The following PES1 variants were observed in gnomAD, a reference collection of about 807,000 sequenced individuals.
PES1 encodes the protein pescadillo ribosomal biogenesis factor 1.
In PES1, 31 loss-of-function variants were observed where a neutral mutation model predicts 77.1. The ratio of observed to expected loss-of-function variants is 0.40; its 90% confidence interval spans 0.30 to 0.54. The LOEUF is 0.54. PES1 is among the 20% of genes least tolerant of loss of function. The pLI, the probability that PES1 is intolerant of heterozygous loss-of-function variation, is 0.45. For missense variants in PES1, 658 were observed against 771.7 expected (o/e 0.85, Z 1.75); for synonymous variants, 282 against 303.0 (o/e 0.93, Z 0.72).
At chr22:30,589,415 G>T in intron 1 of PES1, 145 bp from the exon 2 acceptor site, 1 of 670,738 alleles carries the variant, frequency 1.5e-6, no homozygotes, top group East Asian at 2.8e-5. Flanking sequence ...CAGGGAAGGA[G>T]CCGACCTGCC....
chr22:30,583,156 G>T (rs1323726467), intron 6 of PES1, among the ~76,000 whole-genome samples: 1 of 152,202 alleles, frequency 6.6e-6, no homozygotes, highest in Non-Finnish European at 1.5e-5. Context: ...CAAGAGGAAG[G>T]CAGGAAGGAA....
chr22:30,596,736 C>T (rs1287884560), upstream of PES1, among the ~76,000 whole-genome samples: 5 of 152,226 alleles, frequency 3.3e-5, no homozygotes, highest in South Asian at 2.1e-4. Context: ...AGTGCCTCCT[C>T]GGCCTCGGCG....
upstream of PES1, among the ~76,000 whole-genome samples, chr22:30,594,530 T>A (rs1041255265): frequency 1.3e-5 from 2 of 151,430 alleles, no homozygotes; most frequent in South Asian, 4.2e-4. Flanking sequence ...AAAAAAAAAA[T>A]TAGCTTGGCA....
rs370885109 is a variant in PES1, at chr22:30,587,390, G to A, written c.264C>T (p.Phe88=). 4.2e-5 allele frequency: 68 copies of A among 1,611,938 alleles called. No individual in the cohort carries two copies. The highest frequency in any genetic ancestry group is 5.2e-5 in the Non-Finnish European group (61 of 1,178,298). Residue 88 remains phenylalanine, a synonymous_variant, in exon 4 of 15, where the codon TTC becomes TTT. Transcript: ENST00000354694. ...CATAAGCCTTCCGGAGCTTCCGGAC[G>A]AACACCTGGAAGAAAGAAAGAAAAC... is the stretch of plus-strand genomic sequence containing the variant. ...IVNKFREYKV[F]VRKLRKAYGK...
At chr22:30,601,185 T>C (rs910317663) in intron 2 of PES1, among the ~76,000 whole-genome samples, 6 of 152,230 alleles carry the variant, frequency 3.9e-5, no homozygotes, top group Non-Finnish European at 5.9e-5. Context: ...ATTAGACTCA[T>C]CTCTTCATGG....
At chr22:30,585,082 C>T (rs1178896987) in intron 4 of PES1, 1 of 391,492 alleles carries the variant, frequency 2.6e-6, no homozygotes, top group East Asian at 6.8e-5. Context: ...AGACACTCTA[C>T]AGGGAGGTCC....
At chr22:30,604,563 G>A (rs1425315135) in intron 2 of PES1, among the ~76,000 whole-genome samples, 5 of 152,062 alleles carry the variant, frequency 3.3e-5, no homozygotes, top group African/African-American at 1.2e-4. Context: ...AACCCGGGAG[G>A]AGGGTGTAGT....
At chr22:30,587,255 A>G in intron 4 of PES1, 31 bp downstream of exon 4, 1 of 1,423,996 alleles carries the variant, frequency 7.0e-7, no homozygotes, top group Non-Finnish European at 9.9e-7. Flanking sequence ...AAATGAAGAA[A>G]CAGCAGTGTC....
intron 10 of PES1, 135 bp downstream of exon 10, chr22:30,580,436 C>T (rs901036079): frequency 1.3e-5 from 16 of 1,262,950 alleles, no homozygotes; most frequent in East Asian, 7.0e-5. Flanking sequence ...AGTGCGGTGC[C>T]GAGCACTTTC....
upstream of PES1, chr22:30,592,004 C>A: frequency 7.2e-7 from 1 of 1,382,554 alleles, no homozygotes; most frequent in South Asian, 1.7e-5. Flanking sequence ...ATTTCCTCCT[C>A]AAGATTTAAA....
rs2087100372 is a variant in PES1, at chr22:30,586,950, GCT to G, written c.368+334_368+335del. On this transcript the variant is annotated intron_variant, in intron 4 of 14. Transcript: ENST00000354694. ...GTTCAGACGAGAGGTGTCTAGCCATGCTTCCCACGTCTCACCAGGTACCCGTC... is the reference window on the plus strand; with the variant it reads ...GTTCAGACGAGAGGTGTCTAGCCATGTCCCACGTCTCACCAGGTACCCGTC... The G allele has an allele frequency of 1.8e-5, 5 of 274,588 alleles. No individual in the cohort carries two copies. The South Asian group carries it at 2.5e-4, about 14-fold the overall frequency. The allele number at this position is 274,588 out of a possible 1,614,324, so 17.0% of individuals were successfully genotyped here.
upstream of PES1, among the ~76,000 whole-genome samples, chr22:30,596,776 C>T (rs1031174088): frequency 2.0e-5 from 3 of 152,230 alleles, no homozygotes; most frequent in African/African-American, 7.2e-5. Context: ...AGGAGCCCTT[C>T]AGCCCCGCTG....
Position 30,587,405 on chromosome 22 carries a change from A to C in PES1, c.259-10T>G. 1 of 1,605,344 alleles carries C rather than the reference A, an allele frequency of 6.2e-7. No homozygotes were observed. The highest frequency in any genetic ancestry group is 8.5e-7 in the Non-Finnish European group (1 of 1,172,294). On this transcript the variant is annotated splice_polypyrimidine_tract_variant and intron_variant, in intron 3 of 14. Coordinates refer to ENST00000354694, the MANE Select transcript of PES1 (RefSeq NM_014303.4). The stretch of plus-strand genomic sequence containing the variant: ...GCTTCCGGACGAACACCTGGAAGAA[A>C]GAAAGAAAACACCTCAATGCTGAGG...
At chr22:30,590,904 G>A (rs1268932041) in intron 1 of PES1, among the ~76,000 whole-genome samples, 1 of 152,130 alleles carries the variant, frequency 6.6e-6, no homozygotes, top group Non-Finnish European at 1.5e-5. Flanking sequence ...TTTCCATCTT[G>A]TATCTTTGCA....
chr22:30,598,683 C>T (rs1436546727), intron 2 of PES1, among the ~76,000 whole-genome samples: 2 of 152,008 alleles, frequency 1.3e-5, no homozygotes, highest in African/African-American at 4.8e-5. Flanking sequence ...CGCACCTCGG[C>T]CTCCCAAAGT....
chr22:30,599,766 G>A lies in PES1; in HGVS notation c.-661+5695C>T, dbSNP rs1026444108. Reference sequence around the variant, plus strand: ...AATACAAAAATTAGCCAGGCATGGTGGTACATGCCTGTAATCACAGCTACT... The same window carrying A: ...AATACAAAAATTAGCCAGGCATGGTAGTACATGCCTGTAATCACAGCTACT... On this transcript the variant is annotated intron_variant, in intron 2 of 16. Transcript: ENST00000402281. 4.1e-4 allele frequency among the ~76,000 whole-genome samples: 62 copies of A among 152,124 alleles called. 1 individual carries two copies. The highest frequency in any genetic ancestry group is 5.9e-4 in the Admixed American group (9 of 15,266).
At position 30,589,184 on chromosome 22, in the gene PES1, T is replaced by C. The variant is rs2087138843; in HGVS notation, c.104+7A>G. 1 of 1,611,812 alleles carries C rather than the reference T, an allele frequency of 6.2e-7. No individual in the cohort carries two copies. Among genetic ancestry groups the C allele is most frequent in the Non-Finnish European group, 8.5e-7 (1 of 1,178,318 alleles). ...GCCCGGGCTTCCCACGGTCCCTCTA[T>C]ATTCACCTAAAGTCAGCCAAGCTCA... On this transcript the variant is annotated splice_region_variant and intron_variant, in intron 2 of 14. Transcript: ENST00000354694.
rs371747107 is a variant in PES1, at chr22:30,578,867, G to T, written c.1653C>A (p.Ile551=). The T allele has an allele frequency of 6.2e-7, 1 of 1,612,484 alleles. No homozygotes were observed. The part of the protein sequence containing the change: ...KKREKYLYQK[I]MFGKRRKIRE... ...GGATTTTTCGCCTCTTGCCAAACAT[G>T]ATCTTCTGGTACAGGTACTTCTCCC... The change falls in exon 14 of 15, where the codon ATC becomes ATA. Residue 551 remains isoleucine, a synonymous_variant. Transcript: ENST00000354694.
At chr22:30,591,647 G>A in intron 1 of PES1, 163 bp downstream of exon 1, 1 of 705,600 alleles carries the variant, frequency 1.4e-6, no homozygotes, top group Non-Finnish European at 2.3e-6. Flanking sequence ...AACGAATACT[G>A]CCATCCTTGT....
Sources: allele counts gnomAD v4.1 joint callset (sites outside exome capture counted in the v4.1 genomes callset), GRCh38; gene constraint gnomAD v4.1.1; transcripts MANE v1.5; gene names NCBI Gene and HGNC (gene_info 2026-07-23, HGNC 2026-07-21).